Variants in SRRD observed in about 807,000 individuals in gnomAD.
SRRD encodes the protein SRR1-like protein.
In SRRD, 28 loss-of-function variants were observed where a neutral mutation model predicts 30.7. The observed-to-expected ratio is 0.91, with a 90% CI of 0.68 to 1.25. SRRD has a LOEUF of 1.25. SRRD is among the 50% of genes most tolerant of loss of function. SRRD has a pLI of 0.00. For synonymous variants in SRRD, 161 were observed against 159.6 expected (o/e 1.01, Z -0.07); for missense variants, 415 against 417.3 (o/e 0.99, Z 0.05).
In SRRD at chr22:26,488,261, T is replaced by A. The variant is rs766110336; in HGVS notation, c.483T>A (p.Phe161Leu). Residue 161 changes from phenylalanine to leucine, a missense_variant, in exon 3 of 7, where the codon TTT becomes TTA. Physicochemically the swap from Phe to Leu is conservative, Grantham distance 22 (BLOSUM62 0). Transcript: ENST00000215917. ...TCGTAGCTAGAAACCAGCTAACGTT[T>A]TTGCTGCTTTTGTTGGAAAAGTGCC... Reference protein sequence around the residue: ...TCIVARNQLTFLLLLLEKCQI... With the variant: ...TCIVARNQLTLLLLLLEKCQI... 2 of 1,613,982 alleles carry A rather than the reference T, an allele frequency of 1.2e-6. No homozygotes were observed. Among genetic ancestry groups the A allele is most frequent in the East Asian group, 4.5e-5 (2 of 44,884 alleles).
rs138938072 is a variant in SRRD at position 26,484,824 on chromosome 22, A to C, written c.209+725A>C. On this transcript the variant is annotated intron_variant, in intron 1 of 6. Coordinates refer to ENST00000215917, the MANE Select transcript of SRRD (RefSeq NM_001013694.3). ...AGGAAACACTCAATAAATGTTACTT[A>C]TTATTGTTATTTAGTATTATTATCT... Among the ~76,000 whole-genome samples, 127 of 152,322 alleles carry C rather than the reference A, an allele frequency of 8.3e-4. 1 individual carries two copies. Among genetic ancestry groups the C allele is most frequent in the African/African-American group, 2.9e-3 (119 of 41,570 alleles).
At position 26,490,128 on chromosome 22, in the gene SRRD, A is replaced by C. The variant is rs200236546; in HGVS notation, c.694A>C (p.Ser232Arg). ...GTALYNNLLW[S>R]NWSVDALSKM... is the part of the protein sequence containing the mutation. ...GGCCTTGTACAACAATCTTTTATGG[A>C]GTAACTGGTCAGTAGATGCCCTTTC... Residue 232 changes from serine to arginine, a missense_variant, in exon 5 of 7, where the codon AGT (serine) becomes CGT (arginine). Ser to Arg is a moderately radical substitution (Grantham distance 110). Transcript: ENST00000215917. 4.2e-4 allele frequency: 678 copies of C among 1,614,022 alleles called. 2 individuals are homozygous for C. Among genetic ancestry groups the C allele is most frequent in the Non-Finnish European group, 5.6e-4 (663 of 1,180,016 alleles).
Position 26,491,550 on chromosome 22 carries a change from G to A in SRRD, c.898G>A (p.Val300Met). The A allele has an allele frequency of 6.2e-7, 1 of 1,614,162 alleles. No homozygotes were observed. Among genetic ancestry groups the A allele is most frequent in the Non-Finnish European group, 8.5e-7 (1 of 1,180,004 alleles). ...FNDTSVHWFPVQKLEQLSIDI... is the reference protein window; with the variant it reads ...FNDTSVHWFPMQKLEQLSIDI... ...TGATACCTCTGTCCACTGGTTCCCT[G>A]TGCAAAAGCTAGAACAGCTCTCCAT... Residue 300 changes from valine to methionine, a missense_variant, in exon 7 of 7, where the codon GTG becomes ATG. Transcript: ENST00000215917.
In SRRD at chr22:26,484,020, AGAGAGGCGGCGCCCCG is replaced by A; in HGVS notation, c.132_147del (p.Glu45AlafsTer34). On this transcript the variant is annotated frameshift_variant, in exon 1 of 7. Transcript: ENST00000215917. LOFTEE classifies it high-confidence loss of function. ...GGGGAGAGAGGCGGCGCCCCGGGGG[AGAGAGGCGGCGCCCCG>A]GGGCCCCGAGGCGGAGTTCGAGTCT... is the stretch of plus-strand genomic sequence containing the variant. The A allele has an allele frequency of 9.2e-6, 2 of 217,536 alleles. No individual in the cohort carries two copies. The highest frequency in any genetic ancestry group is 1.3e-5 in the Non-Finnish European group (2 of 150,130). 13.5% of individuals were successfully genotyped at this position (217,536 alleles called of 1,614,324 possible). A position where few individuals can be genotyped will look rare whatever the true frequency, so the allele number is the denominator to read the frequency against.
chr22:26,490,595 A>G, intron 5 of SRRD, among the ~76,000 whole-genome samples: 1 of 42,836 alleles, frequency 2.3e-5, no homozygotes, highest in Admixed American at 4.0e-4. Flanking sequence ...ATGGAGTCTC[A>G]CTCTGTCCCC....
rs1263057573 is a variant in SRRD at position 26,491,896 on chromosome 22, G to A, written c.*224G>A. 22 of 1,098,900 alleles carry A rather than the reference G, an allele frequency of 2.0e-5. No homozygotes were observed. Among genetic ancestry groups the A allele is most frequent in the Non-Finnish European group, 2.7e-5 (21 of 773,760 alleles). The allele number at this position is 1,098,900 out of a possible 1,614,324, so 68.1% of individuals were successfully genotyped here. On this transcript the variant is annotated 3_prime_UTR_variant, in exon 7 of 7. Transcript: ENST00000215917. ...TCCTTCCCTCATGACCTGGCCTGAT[G>A]TGGAGTAGCTCCTGAGTAAAGAAGT...
intron 2 of SRRD, 21 bp from the exon 3 acceptor site, chr22:26,488,008 T>C: frequency 6.3e-7 from 1 of 1,593,824 alleles, no homozygotes; most frequent in Non-Finnish European, 8.6e-7. Flanking sequence ...TCTAACTGCA[T>C]TTGGGGGCCT....
chr22:26,486,128 G>T, intron 2 of SRRD, 65 bp downstream of exon 2: 1 of 1,607,992 alleles, frequency 6.2e-7, no homozygotes, highest in Non-Finnish European at 8.5e-7. Flanking sequence ...CTCATTTGAG[G>T]ACATTTTGCT....
rs1178843338 is a variant in SRRD at position 26,488,455 on chromosome 22, C to A, written c.576C>A (p.Asn192Lys). Residue 192 changes from asparagine to lysine, a missense_variant, in exon 4 of 7, where the codon AAC (asparagine) becomes AAA (lysine). By Grantham distance (94) the Asn-to-Lys change is moderately conservative. Transcript: ENST00000215917. The part of the protein sequence containing the change: ...LFSQLEIEVL[N>K]TLGVTVLSEN... ...GCCAACTTGAAATTGAAGTCCTTAA[C>A]ACCCTTGGTGTGACTGTTCTCAGTG... is the stretch of plus-strand genomic sequence containing the variant. 6.2e-7 allele frequency: 1 copy of A among 1,613,988 alleles called. No individual in the cohort carries two copies.
chr22:26,488,060 G>A lies in SRRD; in HGVS notation c.282G>A (p.Leu94=), dbSNP rs775174077. 47 of 1,612,680 alleles carry A rather than the reference G, an allele frequency of 2.9e-5. No individual in the cohort carries two copies. In the Admixed American group the frequency reaches 7.4e-4, roughly 25 times the overall value. ...TCAATAGATGTCTCACAAAACATCT[G>A]GAACAACTGAAGGCCCCTGTGGGGA... ...ETINRCLTKH[L]EQLKAPVGTL... Residue 94 remains leucine, a synonymous_variant, in exon 3 of 7, where the codon CTG becomes CTA. Coordinates refer to ENST00000215917, the MANE Select transcript of SRRD (RefSeq NM_001013694.3).
Position 26,493,347 on chromosome 22 carries a change from T to C in SRRD, c.*1675T>C, listed in dbSNP as rs981435014. ...GGCCTAGGCTATTAAATAACAAGAA[T>C]TAAAGACTCAGGAAATAGAAATTCC... On this transcript the variant is annotated 3_prime_UTR_variant, in exon 7 of 7. Coordinates refer to ENST00000215917, the MANE Select transcript of SRRD (RefSeq NM_001013694.3). The C allele has an allele frequency of 6.6e-6, 1 of 152,194 alleles. No individual in the cohort carries two copies. Among genetic ancestry groups the C allele is most frequent in the Non-Finnish European group, 1.5e-5 (1 of 68,054 alleles). The allele number at this position is 152,194 out of a possible 1,614,324, so 9.4% of individuals were successfully genotyped here.
At position 26,491,037 on chromosome 22, in the gene SRRD, G is replaced by A. The variant is rs755483431; in HGVS notation, c.777G>A (p.Arg259=). Residue 259 remains arginine (R), a synonymous_variant, in exon 6 of 7, where the codon AGG becomes AGA. Coordinates refer to ENST00000215917, the MANE Select transcript of SRRD (RefSeq NM_001013694.3). Reference sequence around the variant, plus strand: ...TTTTAATTTCTAGGTTGTTGGCAAGGATTCTGCAGAAAAATTATCCCTACA... The same window carrying A: ...TTTTAATTTCTAGGTTGTTGGCAAGAATTCTGCAGAAAAATTATCCCTACA... ...FKGLEERLLA[R]ILQKNYPYIA... is the part of the protein sequence containing the mutation. 1 of 1,612,034 alleles carries A rather than the reference G, an allele frequency of 6.2e-7. No individual in the cohort carries two copies. The highest frequency in any genetic ancestry group is 1.1e-5 in the South Asian group (1 of 90,738).
chr22:26,489,992 T>G (rs1920990513), intron 4 of SRRD, 52 bp from the exon 5 acceptor site: 1 of 1,597,784 alleles, frequency 6.3e-7, no homozygotes, highest in Non-Finnish European at 8.6e-7. Context: ...CTCACCTTGC[T>G]GTAAAGAATA....
At chr22:26,487,190 G>T (rs1281001953) in intron 2 of SRRD, among the ~76,000 whole-genome samples, 2 of 152,020 alleles carry the variant, frequency 1.3e-5, no homozygotes, top group Admixed American at 6.6e-5. Flanking sequence ...CAAGGTACTG[G>T]GATTACAGGT....
At position 26,494,615 on chromosome 22, in the gene SRRD, T is replaced by C. The variant is rs1921685556; in HGVS notation, c.*2943T>C. ...AAGCAAATAAAGTGCTTGGAACAGC[T>C]TCTGATACATGGCAAATGTCCAATA... On this transcript the variant is annotated 3_prime_UTR_variant, in exon 7 of 7. Coordinates refer to ENST00000215917, the MANE Select transcript of SRRD (RefSeq NM_001013694.3). 1.1e-6 allele frequency: 1 copy of C among 909,450 alleles called. No individual in the cohort carries two copies. The highest frequency in any genetic ancestry group is 1.6e-6 in the Non-Finnish European group (1 of 613,088). The allele number at this position is 909,450 out of a possible 1,614,324, so 56.3% of individuals were successfully genotyped here.
rs1399066008 is a variant in SRRD, at chr22:26,494,129, C to G, written c.*2457C>G. 6.2e-7 allele frequency: 1 copy of G among 1,611,914 alleles called. No homozygotes were observed. The highest frequency in any genetic ancestry group is 1.1e-5 in the South Asian group (1 of 90,948). On this transcript the variant is annotated 3_prime_UTR_variant, in exon 7 of 7. Coordinates refer to ENST00000215917, the MANE Select transcript of SRRD (RefSeq NM_001013694.3). ...GGGCCAGGACATCCAAAATGGGAAT[C>G]CTCACTTACCAACGTTGGAGGACAC...
chr22:26,484,006 CGGCGCCCCGG>C lies in SRRD; in HGVS notation c.119_128del (p.Ala40GlyfsTer41). ...GAGGCGGCGCCCCGGGGGAGAGAGG[CGGCGCCCCGG>C]GGGAGAGAGGCGGCGCCCCGGGGCC... On this transcript the variant is annotated frameshift_variant, in exon 1 of 7. Transcript: ENST00000215917. LOFTEE classifies it high-confidence loss of function. 5 of 1,350,100 alleles carry C rather than the reference CGGCGCCCCGG, an allele frequency of 3.7e-6. No individual in the cohort carries two copies. The highest frequency in any genetic ancestry group is 4.7e-6 in the Non-Finnish European group (5 of 1,054,156). 83.6% of individuals were successfully genotyped at this position (1,350,100 alleles called of 1,614,324 possible).
rs754866353 is a variant in SRRD at position 26,490,191 on chromosome 22, G to C, written c.757G>C (p.Glu253Gln). Reference sequence around the variant, plus strand: ...CATTGGGAACAGTTTCAAAGGACTTGAGGAGAGGTAAGTCTGAGAATGCTG... The same window carrying C: ...CATTGGGAACAGTTTCAAAGGACTTCAGGAGAGGTAAGTCTGAGAATGCTG... Reference protein sequence around the residue: ...VIIGNSFKGLEERLLARILQK... With the variant: ...VIIGNSFKGLQERLLARILQK... The change falls in exon 5 of 7, where the codon GAG becomes CAG. Residue 253 changes from glutamate to glutamine, a missense_variant. Glu to Gln is a conservative substitution (Grantham distance 29, BLOSUM62 2). Transcript: ENST00000215917. The C allele has an allele frequency of 3.1e-6, 5 of 1,614,150 alleles. No homozygotes were observed. The highest frequency in any genetic ancestry group is 4.5e-5 in the East Asian group (2 of 44,884).
In SRRD at chr22:26,493,497, G is replaced by A. The variant is rs1273058604; in HGVS notation, c.*1825G>A. 1 of 152,472 alleles carries A rather than the reference G, an allele frequency of 6.6e-6. No homozygotes were observed. The highest frequency in any genetic ancestry group is 1.5e-5 in the Non-Finnish European group (1 of 68,294). 9.4% of individuals were successfully genotyped at this position (152,472 alleles called of 1,614,324 possible). A position where few individuals can be genotyped will look rare whatever the true frequency, so the allele number is the denominator to read the frequency against. ...TGCGAATCGGCTAATGAGCAACACT[G>A]GAGCACAGGACTGGTTGAAATAGGC... On this transcript the variant is annotated 3_prime_UTR_variant, in exon 7 of 7. Coordinates refer to ENST00000215917, the MANE Select transcript of SRRD (RefSeq NM_001013694.3).
Sources: allele counts gnomAD v4.1 joint callset (sites outside exome capture counted in the v4.1 genomes callset), GRCh38; gene constraint gnomAD v4.1.1; transcripts MANE v1.5; gene names NCBI Gene and HGNC (gene_info 2026-07-23, HGNC 2026-07-21).